The following COL4A6 variants were observed in gnomAD, a reference collection of about 807,000 sequenced individuals.
COL4A6 encodes the protein collagen type IV alpha 6 chain.
Under a neutral mutation model 126.7 loss-of-function variants are expected in COL4A6, and 59 were observed. The observed-to-expected ratio is 0.47, with a 90% CI of 0.38 to 0.58. COL4A6 has a LOEUF of 0.58. Ranked by LOEUF, COL4A6 falls within the 20% of genes least tolerant of loss-of-function variation. The pLI is 0.00. For synonymous variants in COL4A6, 547 were observed against 496.6 expected (o/e 1.10, Z -1.35); for missense variants, 1,285 against 1,337.3 (o/e 0.96, Z 0.61).
chrX:108,172,365 GAAAAAAAAAAAAA>G (rs397935341), intron 32 of COL4A6, 91 bp downstream of exon 32: 1 of 112,938 alleles, frequency 8.9e-6, no homozygotes, highest in Non-Finnish European at 1.4e-5. Context: ...GCCTAAAAAA[GAAAAAAAAAAAAA>G]AAAAAAAAAA....
intron 2 of COL4A6, among the ~76,000 whole-genome samples, chrX:108,406,947 GAAGA>G (rs997606039): frequency 8.9e-6 from 1 of 111,854 alleles, no homozygotes; most frequent in Non-Finnish European, 1.9e-5. Context: ...TGGAAGGAAG[GAAGA>G]AAGAAAGGAA....
At chrX:108,281,697 A>G (rs928461986) in intron 3 of COL4A6, among the ~76,000 whole-genome samples, 1 of 110,883 alleles carries the variant, frequency 9.0e-6, no homozygotes, top group African/African-American at 3.3e-5. Context: ...AGTCAATCCT[A>G]GGCCAAAAGA....
chrX:108,206,547 C>T lies in COL4A6; in HGVS notation c.580G>A (p.Val194Ile). 8.3e-7 allele frequency: 1 copy of T among 1,210,784 alleles called. No individual in the cohort carries two copies. Among genetic ancestry groups the T allele is most frequent in the Non-Finnish European group, 1.1e-6 (1 of 894,708 alleles). The change falls in exon 9 of 45, where the codon GTA becomes ATA. Residue 194 changes from valine (V) to isoleucine (I), a missense_variant. Transcript: ENST00000334504. The stretch of plus-strand genomic sequence containing the variant: ...AATCCTGGTGGTCCTGCAGGTCCTA[C>T]AGCTCCAGGAAATCCGGGTGCTCCT... ...PQGAPGFPGAVGPAGPPGLQG... is the reference protein window; with the variant it reads ...PQGAPGFPGAIGPAGPPGLQG...
chrX:108,398,740 C>T (rs917547845), intron 2 of COL4A6, among the ~76,000 whole-genome samples: 4 of 110,693 alleles, frequency 3.6e-5, no homozygotes, highest in Non-Finnish European at 7.6e-5. Context: ...TGATTAAGAC[C>T]CTAGATTAAG....
At chrX:108,372,760 TG>T (rs2148107668) in intron 2 of COL4A6, among the ~76,000 whole-genome samples, 1 of 112,569 alleles carries the variant, frequency 8.9e-6, no homozygotes, top group South Asian at 3.7e-4. Context: ...AAGCTATGAA[TG>T]ACTACCATTT....
Position 108,221,370 on chromosome X carries a change from C to T in COL4A6, c.149G>A (p.Arg50Gln), listed in dbSNP as rs910395079. 9.9e-6 allele frequency: 12 copies of T among 1,209,030 alleles called. No homozygotes were observed. The highest frequency in any genetic ancestry group is 3.0e-5 in the East Asian group (1 of 33,706). ...GCCTTGAATTCCAATTGGTCCAGGT[C>T]GTCCCTAAGGTGGACAGAAGGAGTG... ...QCFPEKGARG[R>Q]PGPIGIQGPT... Residue 50 changes from arginine to glutamine, a missense_variant, in exon 4 of 45, where the codon CGA becomes CAA. Physicochemically the swap from Arg to Gln is conservative, Grantham distance 43 (BLOSUM62 1). Transcript: ENST00000334504.
chrX:108,187,758 CCT>C (rs2034913962), intron 22 of COL4A6, 88 bp downstream of exon 22: 2 of 926,012 alleles, frequency 2.2e-6, no homozygotes, highest in African/African-American at 3.9e-5. Flanking sequence ...TCTGTTCTTC[CCT>C]GTTTCATGGT....
intron 20 of COL4A6, among the ~76,000 whole-genome samples, chrX:108,190,037 T>C (rs773804852): frequency 1.8e-5 from 2 of 112,090 alleles, no homozygotes; most frequent in African/African-American, 6.5e-5. Context: ...TTTTTCAGAG[T>C]CCCAGGTCTT....
chrX:108,157,409 A>G (rs1006948552), intron 44 of COL4A6, 149 bp from the exon 45 acceptor site: 1 of 878,689 alleles, frequency 1.1e-6, no homozygotes, highest in African/African-American at 2.0e-5. Context: ...CCAGCATACC[A>G]AGAGCTGTGT....
In COL4A6 at chrX:108,257,073, A is replaced by T. The variant is rs143148823; in HGVS notation, c.145-35699T>A. Reference sequence around the variant, plus strand: ...AACTGGAAAAGGCAAAGAAAGACGAACCAAGGCAAGAAGTTGAGGGTTTTA... The same window carrying T: ...AACTGGAAAAGGCAAAGAAAGACGATCCAAGGCAAGAAGTTGAGGGTTTTA... On this transcript the variant is annotated intron_variant, in intron 3 of 44. Transcript: ENST00000334504. Among the ~76,000 whole-genome samples the T allele has an allele frequency of 4.1e-3, 464 of 111,847 alleles. 1 individual carries two copies. Among genetic ancestry groups the T allele is most frequent in the African/African-American group, 0.015 (452 of 30,869 alleles).
At chrX:108,335,587 A>G (rs909226608) in intron 2 of COL4A6, among the ~76,000 whole-genome samples, 6 of 111,819 alleles carry the variant, frequency 5.4e-5, no homozygotes, top group African/African-American at 1.9e-4. Context: ...GTGTGTATGT[A>G]TATATGTATG....
At chrX:108,283,944 G>C (rs1603009642) in intron 3 of COL4A6, among the ~76,000 whole-genome samples, 1 of 111,492 alleles carries the variant, frequency 9.0e-6, no homozygotes, top group African/African-American at 3.3e-5. Flanking sequence ...GGTGATAGAG[G>C]ACAACATCTG....
At chrX:108,266,726 T>G (rs2037312486) in intron 3 of COL4A6, among the ~76,000 whole-genome samples, 1 of 111,999 alleles carries the variant, frequency 8.9e-6, no homozygotes, top group African/African-American at 3.2e-5. Context: ...CTGAAGCATT[T>G]AGCATATTGC....
intron 2 of COL4A6, among the ~76,000 whole-genome samples, chrX:108,321,544 T>C (rs1313751686): frequency 9.0e-6 from 1 of 111,454 alleles, no homozygotes. Flanking sequence ...AACCTTCATA[T>C]ATAATTCTTA....
rs1260742993 is a variant in COL4A6, at chrX:108,438,012, T to G, written c.12-19A>C. On this transcript the variant is annotated intron_variant, in intron 1 of 44. Coordinates refer to ENST00000334504, the MANE Select transcript of COL4A6 (RefSeq NM_033641.4). ...CCACAACCTGAAATGGGAGGGAGGGTGAGTAATGGGCTCTCTAGGCTTCGG... is the reference window on the plus strand; with the variant it reads ...CCACAACCTGAAATGGGAGGGAGGGGGAGTAATGGGCTCTCTAGGCTTCGG... The G allele has an allele frequency of 2.5e-6, 3 of 1,205,846 alleles. No homozygotes were observed. The Admixed American group carries it at 6.6e-5, about 27-fold the overall frequency.
intron 2 of COL4A6, among the ~76,000 whole-genome samples, chrX:108,326,045 T>A (rs1193693611): frequency 8.0e-5 from 9 of 111,809 alleles, no homozygotes; most frequent in Non-Finnish European, 1.9e-5. Context: ...ACACTTCTAT[T>A]CAACATTGTG....
chrX:108,357,396 C>T (rs756260031), intron 2 of COL4A6, among the ~76,000 whole-genome samples: 26 of 111,239 alleles, frequency 2.3e-4, no homozygotes, highest in African/African-American at 8.5e-4. Context: ...GGTTTGACTC[C>T]ATCTCAGCTT....
intron 2 of COL4A6, among the ~76,000 whole-genome samples, chrX:108,418,902 G>A (rs987995673): frequency 8.9e-6 from 1 of 112,240 alleles, no homozygotes; most frequent in Non-Finnish European, 1.9e-5. Context: ...TGGACCACCC[G>A]TGTGACATTT....
chrX:108,222,829 T>A (rs970915231), intron 3 of COL4A6, among the ~76,000 whole-genome samples: 1 of 112,267 alleles, frequency 8.9e-6, no homozygotes, highest in Non-Finnish European at 1.9e-5. Flanking sequence ...ACAGTGGTTC[T>A]GTTATTTATT....
Sources: gnomAD v4.1 joint callset for allele counts (sites outside exome capture counted in the v4.1 genomes callset) on GRCh38, gnomAD v4.1.1 for gene constraint, MANE v1.5 for transcripts, NCBI Gene and HGNC (gene_info 2026-07-23, HGNC 2026-07-21) for gene names.